Variants in LRRC9 observed in about 807,000 individuals in gnomAD.
The protein encoded by LRRC9 is leucine-rich repeat-containing protein 9.
In LRRC9, 122 loss-of-function variants were observed where a neutral mutation model predicts 63.2. The ratio of observed to expected loss-of-function variants is 1.93; its 90% CI spans 1.67 to 2.24. LRRC9 has a LOEUF of 2.24. LRRC9 is among the 30% of genes most tolerant of loss of function. The pLI is 0.00. For synonymous variants in LRRC9, 366 were observed against 213.1 expected (o/e 1.72, Z -6.25); for missense variants, 1,071 against 627.7 (o/e 1.71, Z -7.55).
Position 59,986,450 on chromosome 14 carries a change from T to C in LRRC9, c.2211+1226T>C, listed in dbSNP as rs1291285161. ...TTATTGGCATTAGGTTTAGATTTAG[T>C]GTTAAACTCACTTCCTTTTTCTTTT... On this transcript the variant is annotated intron_variant, in intron 17 of 31. Coordinates refer to ENST00000445360, the Ensembl canonical transcript of LRRC9. The surrounding 1 kb of genome is among the most constrained non-coding windows in gnomAD (Gnocchi z 4.7). 1.3e-5 allele frequency among the ~76,000 whole-genome samples: 2 copies of C among 152,198 alleles called. No homozygotes were observed. The highest frequency in any genetic ancestry group is 2.1e-4 in the South Asian group (1 of 4,830).
intron 10 of LRRC9, among the ~76,000 whole-genome samples, chr14:59,965,341 T>G (rs954224451): frequency 6.6e-6 from 1 of 152,222 alleles, no homozygotes; most frequent in African/African-American, 2.4e-5. Context: ...AGGTCCCCTT[T>G]GCATTCCTTA....
intron 28 of LRRC9, among the ~76,000 whole-genome samples, chr14:60,028,617 A>G (rs1891739756): frequency 6.6e-6 from 1 of 152,134 alleles, no homozygotes; most frequent in South Asian, 2.1e-4. Flanking sequence ...TCACTGCCCC[A>G]ACTGAACTGC....
rs1422256497 is a variant in LRRC9 at position 59,986,605 on chromosome 14, T to A, written c.2211+1381T>A. Among the ~76,000 whole-genome samples the A allele has an allele frequency of 1.3e-5, 2 of 152,214 alleles. No homozygotes were observed. Among genetic ancestry groups the A allele is most frequent in the Non-Finnish European group, 2.9e-5 (2 of 68,032 alleles). ...GATTGTTGGTATTTTTATTTTTTTC[T>A]ATTTATTTGCCAGCACTTCCAAAAT... On this transcript the variant is annotated intron_variant, in intron 17 of 31. Transcript: ENST00000445360. The surrounding 1 kb of genome is among the most constrained non-coding windows in gnomAD (Gnocchi z 4.7).
rs1890713309 is a variant in LRRC9, at chr14:60,016,697, G to T, written c.3224G>T (p.Gly1075Val). 1.0e-5 allele frequency: 7 copies of T among 701,058 alleles called. No homozygotes were observed. The East Asian group carries it at 1.9e-4, about 19-fold the overall frequency. 43.4% of individuals were successfully genotyped at this position (701,058 alleles called of 1,614,324 possible). The stretch of plus-strand genomic sequence containing the variant: ...ACTGACAGTGCAAAAGATTTGTTTG[G>T]TGGTAGACTTACTTCTGACATGATT... The change falls in exon 24 of 32, where the codon GGT becomes GTT. Residue 1075 changes from glycine to valine, a missense_variant. Physicochemically the swap from Gly to Val is moderately radical, Grantham distance 109. Transcript: ENST00000445360.
chr14:60,014,084 GTTTT>G (rs534154036), intron 23 of LRRC9, among the ~76,000 whole-genome samples: 2 of 151,156 alleles, frequency 1.3e-5, no homozygotes, highest in South Asian at 2.1e-4. Flanking sequence ...TCTTCATATA[GTTTT>G]TTTTAGTGGT....
At chr14:60,049,001 C>T (rs190618872) in intron 29 of LRRC9, among the ~76,000 whole-genome samples, 33 of 152,262 alleles carry the variant, frequency 2.2e-4, no homozygotes, top group Admixed American at 1.1e-3. Context: ...ATAAATGTGG[C>T]TCATCACATG....
chr14:60,043,522 C>T (rs1049727854), intron 29 of LRRC9, among the ~76,000 whole-genome samples: 3 of 152,050 alleles, frequency 2.0e-5, no homozygotes, highest in Non-Finnish European at 4.4e-5. Flanking sequence ...TTATCAAATG[C>T]CTTTTTGGCA....
rs188552860 is a variant in LRRC9, at chr14:60,017,716, T to A, written c.3318-655T>A. On this transcript the variant is annotated intron_variant, in intron 24 of 31. Transcript: ENST00000445360. This position sits in a 1 kb window ranked among gnomAD's most constrained non-coding sequence, Gnocchi z 4.0. ...GTAAAAGTATGTCATAATTGTAACT[T>A]CAAGTTTAGGATTTATTTAGAGAAC... 9.7e-4 allele frequency among the ~76,000 whole-genome samples: 148 copies of A among 152,228 alleles called. No homozygotes were observed. Among genetic ancestry groups the A allele is most frequent in the African/African-American group, 3.3e-3 (138 of 41,550 alleles).
At chr14:60,000,473 A>G (rs1889250399) in intron 19 of LRRC9, among the ~76,000 whole-genome samples, 1 of 152,110 alleles carries the variant, frequency 6.6e-6, no homozygotes, top group Non-Finnish European at 1.5e-5. Context: ...TTAAAAAGAA[A>G]TCAAATCCTG....
rs917423879 is a variant in LRRC9 at position 59,927,743 on chromosome 14, C to A, written c.-33-168C>A. ...GATTTAAAATTAAAATAAAAAATAACCTCCTAACAGAAAACTCCCTCAGAG... is the reference window on the plus strand; with the variant it reads ...GATTTAAAATTAAAATAAAAAATAAACTCCTAACAGAAAACTCCCTCAGAG... On this transcript the variant is annotated intron_variant, in intron 1 of 31. Transcript: ENST00000445360. This position sits in a 1 kb window ranked among gnomAD's most constrained non-coding sequence, Gnocchi z 4.4. Among the ~76,000 whole-genome samples the A allele has an allele frequency of 3.3e-5, 5 of 151,860 alleles. No individual in the cohort carries two copies. The highest frequency in any genetic ancestry group is 7.4e-5 in the Non-Finnish European group (5 of 67,844).
intron 18 of LRRC9, 91 bp from the exon 19 acceptor site, chr14:59,999,010 T>C (rs1158181900): frequency 1.9e-6 from 1 of 521,802 alleles, no homozygotes; most frequent in African/African-American, 1.9e-5. Flanking sequence ...ATGTATGATT[T>C]TGAATTATAT....
chr14:59,971,446 G>GT (rs1265587979), intron 12 of LRRC9, among the ~76,000 whole-genome samples: 2 of 152,112 alleles, frequency 1.3e-5, no homozygotes, highest in African/African-American at 4.8e-5. Flanking sequence ...TTGTAAAATA[G>GT]TTTTTTCTAG....
At chr14:60,046,612 A>C (rs1185680487) in intron 29 of LRRC9, among the ~76,000 whole-genome samples, 2 of 152,054 alleles carry the variant, frequency 1.3e-5, no homozygotes, top group Non-Finnish European at 2.9e-5. Flanking sequence ...TGAGTTCTCT[A>C]TTCTATTCCA....
chr14:59,941,245 AGTT>A (rs1881729568), intron 7 of LRRC9, among the ~76,000 whole-genome samples: 1 of 152,014 alleles, frequency 6.6e-6, no homozygotes, highest in African/African-American at 2.4e-5. Context: ...CACTAAAATC[AGTT>A]GTTTTTTGTG....
chr14:59,949,245 TA>T (rs1217982062), intron 8 of LRRC9, among the ~76,000 whole-genome samples: 3 of 152,168 alleles, frequency 2.0e-5, no homozygotes, highest in Non-Finnish European at 4.4e-5. Context: ...TGAGAGAGTG[TA>T]TGTGTCGAGG....
At chr14:59,944,385 A>G (rs1408070881) in intron 7 of LRRC9, among the ~76,000 whole-genome samples, 1 of 151,870 alleles carries the variant, frequency 6.6e-6, no homozygotes, top group Admixed American at 6.6e-5. Context: ...CACAAAGGAA[A>G]TCTTTGGAAT....
In LRRC9 at chr14:60,051,721, G is replaced by A. The variant is rs199581622; in HGVS notation, c.3991-1344G>A. Among the ~76,000 whole-genome samples, 1 of 152,188 alleles carries A rather than the reference G, an allele frequency of 6.6e-6. No homozygotes were observed. The highest frequency in any genetic ancestry group is 1.5e-5 in the Non-Finnish European group (1 of 68,038). ...TCTACTGCCTTGCCAGAATCCCGGCGCTGGAGTATATAAAACTTCTGGGTC... is the reference window on the plus strand; with the variant it reads ...TCTACTGCCTTGCCAGAATCCCGGCACTGGAGTATATAAAACTTCTGGGTC... On this transcript the variant is annotated intron_variant, in intron 29 of 31. Transcript: ENST00000445360. This position sits in a 1 kb window ranked among gnomAD's most constrained non-coding sequence, Gnocchi z 4.7.
At chr14:60,065,189 G>A (rs1894855084), downstream of LRRC9, among the ~76,000 whole-genome samples, 1 of 152,102 alleles carries the variant, frequency 6.6e-6, no homozygotes, top group African/African-American at 2.4e-5. Context: ...AGACCAGCCT[G>A]GCCAATATGG....
At chr14:59,920,245 C>T (rs1888656412) in intron 1 of LRRC9, 1 of 152,384 alleles carries the variant, frequency 6.6e-6, no homozygotes, top group Non-Finnish European at 1.5e-5. Context: ...ATCGGATTGC[C>T]CCGGAATCCA....
Sources: allele counts gnomAD v4.1 joint callset (sites outside exome capture counted in the v4.1 genomes callset), GRCh38; gene constraint gnomAD v4.1.1; non-coding constraint Gnocchi (gnomAD v3.1); transcripts MANE v1.5; gene names NCBI Gene and HGNC (gene_info 2026-07-23, HGNC 2026-07-21).